LAMA2: variants seen among roughly 807,000 people sequenced by gnomAD.
LAMA2 encodes the protein laminin subunit alpha 2.
LAMA2 carries 269 observed loss-of-function variants against 364.8 expected under a neutral mutation model. The ratio of observed to expected loss-of-function variants is 0.74; its 90% CI spans 0.67 to 0.82. The LOEUF is 0.82. Ranked by LOEUF, LAMA2 falls within the 40% of genes least tolerant of loss-of-function variation. LAMA2 has a pLI of 0.00. For synonymous variants in LAMA2, 1,379 were observed against 1,370.6 expected, an observed-to-expected ratio of 1.01 and a Z score of -0.14; for missense variants, 3,807 against 3,873.2, an observed-to-expected ratio of 0.98 and a Z score of 0.45.
intron 1 of LAMA2, among the ~76,000 whole-genome samples, chr6:128,990,758 G>T (rs1012295382): frequency 1.3e-5 from 2 of 151,462 alleles, no homozygotes; most frequent in Admixed American, 6.6e-5. Context: ...TCATTGTGTG[G>T]GTGTGTGTGT....
intron 11 of LAMA2, 53 bp downstream of exon 11, chr6:129,190,398 C>T (rs1437826599): frequency 7.6e-6 from 12 of 1,583,160 alleles, no homozygotes; most frequent in Non-Finnish European, 1.0e-5. Flanking sequence ...TTCTTTGTTG[C>T]TTTCATCGTT....
chr6:128,926,639 A>T (rs2114502929), intron 1 of LAMA2, among the ~76,000 whole-genome samples: 1 of 152,344 alleles, frequency 6.6e-6, no homozygotes, highest in African/African-American at 2.4e-5. Flanking sequence ...TGTCTTGGTT[A>T]ATGGAAGACA....
intron 20 of LAMA2, among the ~76,000 whole-genome samples, chr6:129,296,188 G>T (rs535823530): frequency 6.6e-6 from 1 of 151,994 alleles, no homozygotes; most frequent in Non-Finnish European, 1.5e-5. Context: ...TTAAGTGCCT[G>T]CATAGTTATT....
intron 27 of LAMA2, among the ~76,000 whole-genome samples, chr6:129,318,203 A>C (rs1774731424): frequency 6.6e-6 from 1 of 152,200 alleles, no homozygotes; most frequent in South Asian, 2.1e-4. Context: ...AAATCTCAAA[A>C]GCAGAGAGTT....
At chr6:128,921,009 G>A (rs1582680973) in intron 1 of LAMA2, among the ~76,000 whole-genome samples, 1 of 152,274 alleles carries the variant, frequency 6.6e-6, no homozygotes, top group Non-Finnish European at 1.5e-5. Context: ...TCCTGTCTTT[G>A]CACTATTGCT....
At chr6:129,038,094 G>C (rs918810949) in intron 1 of LAMA2, among the ~76,000 whole-genome samples, 1 of 152,070 alleles carries the variant, frequency 6.6e-6, no homozygotes, top group Admixed American at 6.6e-5. Flanking sequence ...AAAATAAAGA[G>C]CACATTAAAA....
At position 128,987,295 on chromosome 6, in the gene LAMA2, C is replaced by T. The variant is rs559020816; in HGVS notation, c.113-62623C>T. Among the ~76,000 whole-genome samples the T allele has an allele frequency of 1.1e-4, 17 of 152,010 alleles. No homozygotes were observed. The East Asian group carries it at 2.7e-3, about 24-fold the overall frequency. ...GCTAAGACTACAGGCGTGTGCCCCA[C>T]ACCTGGCTTTTCTTTTTTTCGCATT... On this transcript the variant is annotated intron_variant, in intron 1 of 64. Coordinates refer to ENST00000421865, the MANE Select transcript of LAMA2 (RefSeq NM_000426.4).
chr6:129,491,474 C>G (rs1406259961), intron 56 of LAMA2, among the ~76,000 whole-genome samples: 1 of 152,202 alleles, frequency 6.6e-6, no homozygotes, highest in Non-Finnish European at 1.5e-5. Context: ...TTCCTGCAAT[C>G]TAAGCTCTCA....
At chr6:129,454,395 G>A (rs1325603377) in intron 47 of LAMA2, 107 bp downstream of exon 47, 3 of 839,880 alleles carry the variant, frequency 3.6e-6, no homozygotes, top group Non-Finnish European at 5.8e-6. Context: ...AACTGTGTAT[G>A]CATGTAAACA....
chr6:129,049,863 C>A, intron 1 of LAMA2, 55 bp from the exon 2 acceptor site: 1 of 1,510,610 alleles, frequency 6.6e-7, no homozygotes. Context: ...TAAAATGTAT[C>A]AAAATCCTAA....
At chr6:129,313,312 C>T (rs1014788995) in intron 23 of LAMA2, among the ~76,000 whole-genome samples, 2 of 152,158 alleles carry the variant, frequency 1.3e-5, no homozygotes, top group African/African-American at 2.4e-5. Flanking sequence ...AACCCAAACC[C>T]ACCTTTTTTT....
chr6:129,213,172 G>A (rs1363015678), intron 12 of LAMA2, among the ~76,000 whole-genome samples: 1 of 152,126 alleles, frequency 6.6e-6, no homozygotes, highest in Non-Finnish European at 1.5e-5. Context: ...CAATATGCCT[G>A]TAAGGTTCCG....
chr6:129,298,286 G>T (rs1025039965), intron 21 of LAMA2, among the ~76,000 whole-genome samples: 1 of 149,192 alleles, frequency 6.7e-6, no homozygotes, highest in South Asian at 2.1e-4. Context: ...AAGTCAAGGT[G>T]TTTTTTTTTT....
chr6:128,897,462 C>CT (rs1324032174), intron 1 of LAMA2, among the ~76,000 whole-genome samples: 1 of 152,154 alleles, frequency 6.6e-6, no homozygotes, highest in South Asian at 2.1e-4. Context: ...TAAGAATGTG[C>CT]TTTTTTTCTC....
At chr6:129,208,730 G>C (rs968860009) in intron 12 of LAMA2, among the ~76,000 whole-genome samples, 1 of 139,030 alleles carries the variant, frequency 7.2e-6, no homozygotes, top group African/African-American at 2.5e-5. Context: ...AGGGAGGGAA[G>C]GAAGGAGGGA....
At chr6:129,515,351 T>TG (rs1210633095) in intron 64 of LAMA2, among the ~76,000 whole-genome samples, 3 of 152,166 alleles carry the variant, frequency 2.0e-5, no homozygotes, top group South Asian at 2.1e-4. Flanking sequence ...AGAAATGCAA[T>TG]GGGGGCCCAA....
intron 20 of LAMA2, among the ~76,000 whole-genome samples, chr6:129,294,538 G>A (rs945557794): frequency 3.9e-5 from 6 of 152,042 alleles, no homozygotes; most frequent in African/African-American, 1.4e-4. Context: ...ATTCATGAGA[G>A]CTCCATTCTC....
intron 56 of LAMA2, among the ~76,000 whole-genome samples, chr6:129,491,481 C>T (rs1400888443): frequency 1.3e-5 from 2 of 152,202 alleles, no homozygotes; most frequent in Admixed American, 6.5e-5. Flanking sequence ...AATCTAAGCT[C>T]TCAGGAGCAT....
intron 3 of LAMA2, among the ~76,000 whole-genome samples, chr6:129,060,657 A>G (rs1483433430): frequency 1.3e-5 from 2 of 152,170 alleles, no homozygotes; most frequent in Non-Finnish European, 2.9e-5. Flanking sequence ...CATACACTGT[A>G]AAGGTCATGG....
Sources: allele counts gnomAD v4.1 joint callset (sites outside exome capture counted in the v4.1 genomes callset), GRCh38; gene constraint gnomAD v4.1.1; transcripts MANE v1.5; gene names NCBI Gene and HGNC (gene_info 2026-07-23, HGNC 2026-07-21).